Variants in C2CD5 observed in about 807,000 individuals in gnomAD.
C2CD5 encodes the protein C2 domain-containing protein 5.
Under a neutral mutation model 130.3 loss-of-function variants are expected in C2CD5, and 109 were observed. That is an observed-to-expected ratio of 0.84 (90% confidence interval 0.72 to 0.98). The LOEUF (loss-of-function observed/expected upper bound fraction) is 0.98. Ranked by LOEUF, C2CD5 falls within the 50% of genes least tolerant of loss-of-function variation. The pLI is 0.00. For synonymous variants in C2CD5, 454 were observed against 429.2 expected (o/e 1.06, Z -0.71); for missense variants, 996 against 1,261.8 (o/e 0.79, Z 3.19).
At chr12:22,480,537 G>A (rs1264686455) in intron 14 of C2CD5, among the ~76,000 whole-genome samples, 1 of 152,178 alleles carries the variant, frequency 6.6e-6, no homozygotes, top group Non-Finnish European at 1.5e-5. Context: ...CAATATTTGA[G>A]GCAAGTCTTG....
intron 22 of C2CD5, among the ~76,000 whole-genome samples, chr12:22,462,768 A>C (rs1396255904): frequency 6.6e-6 from 1 of 152,154 alleles, no homozygotes; most frequent in East Asian, 1.9e-4. Context: ...CTGAAATTTA[A>C]CTGCCATTGT....
chr12:22,469,973 G>C (rs1460653662), intron 21 of C2CD5, among the ~76,000 whole-genome samples, 178 bp from the exon 22 acceptor site: 1 of 152,062 alleles, frequency 6.6e-6, no homozygotes, highest in Non-Finnish European at 1.5e-5. Flanking sequence ...ATGATGCTGA[G>C]ACTGGTGCTA....
chr12:22,528,111 A>T (rs556984479), intron 3 of C2CD5, among the ~76,000 whole-genome samples: 1 of 152,332 alleles, frequency 6.6e-6, no homozygotes, highest in Non-Finnish European at 1.5e-5. Context: ...ATCTCTCAGC[A>T]CAAGACTGGG....
chr12:22,505,024 T>C (rs1172648830), intron 10 of C2CD5, among the ~76,000 whole-genome samples: 1 of 152,128 alleles, frequency 6.6e-6, no homozygotes, highest in Non-Finnish European at 1.5e-5. Flanking sequence ...ATTTGCCCAG[T>C]TTTAGAGTTA....
At chr12:22,523,136 C>T (rs1950416768) in intron 7 of C2CD5, among the ~76,000 whole-genome samples, 1 of 151,972 alleles carries the variant, frequency 6.6e-6, no homozygotes, top group South Asian at 2.1e-4. Flanking sequence ...ATCACCTGAG[C>T]CTAGAAGGTC....
chr12:22,484,809 G>A lies in C2CD5; in HGVS notation c.1438C>T (p.Leu480Phe), dbSNP rs751153420. Residue 480 changes from leucine (L) to phenylalanine (F), a missense_variant, in exon 13 of 27, where the codon CTC becomes TTC. Around this residue, in one of 9 missense-constraint regions of C2CD5, gnomAD observed 590 missense variants for 631.4 expected, o/e 0.93. Transcript: ENST00000446597. ...TTCCTGCAGTTATAGCAATATGTGA[G>A]ATGAGCTGGAAATGGCATATTCAGT... ...DELNMPFPAH[L>F]TYCYNCRKQK... 1 of 1,609,122 alleles carries A rather than the reference G, an allele frequency of 6.2e-7. No homozygotes were observed. Among genetic ancestry groups the A allele is most frequent in the East Asian group, 2.2e-5 (1 of 44,676 alleles).
At chr12:22,535,588 C>G (rs944141683) in intron 2 of C2CD5, among the ~76,000 whole-genome samples, 4 of 152,088 alleles carry the variant, frequency 2.6e-5, no homozygotes, top group African/African-American at 9.7e-5. Context: ...GAACTAACTT[C>G]CTCCGTTTCT....
At chr12:22,534,355 C>G (rs1286200261) in intron 3 of C2CD5, among the ~76,000 whole-genome samples, 1 of 152,062 alleles carries the variant, frequency 6.6e-6, no homozygotes, top group Non-Finnish European at 1.5e-5. Context: ...TGATTTCACA[C>G]CAAAACAAAA....
At chr12:22,508,397 A>G (rs1307391914) in intron 9 of C2CD5, among the ~76,000 whole-genome samples, 2 of 152,190 alleles carry the variant, frequency 1.3e-5, no homozygotes. Flanking sequence ...ATGTATTATA[A>G]TATGTTTAGT....
rs555218526 is a variant in C2CD5, at chr12:22,476,631, T to C, written c.1902+1682A>G. 2.6e-5 allele frequency among the ~76,000 whole-genome samples: 4 copies of C among 152,190 alleles called. No homozygotes were observed. In the South Asian group the frequency reaches 8.3e-4, roughly 31 times the overall value. The stretch of plus-strand genomic sequence containing the variant: ...CCCTGTCTCCAAAGGGCTTACATTA[T>C]AGTAAAGGAAGACAGATATATAAAA... On this transcript the variant is annotated intron_variant, in intron 15 of 26. Transcript: ENST00000446597.
rs764028659 is a variant in C2CD5 at position 22,478,322 on chromosome 12, G to T, written c.1893C>A (p.Ile631=). The T allele has an allele frequency of 2.5e-6, 4 of 1,610,130 alleles. No homozygotes were observed. The highest frequency in any genetic ancestry group is 3.4e-6 in the Non-Finnish European group (4 of 1,176,642). The change falls in exon 15 of 27, where the codon ATC becomes ATA. Residue 631 remains isoleucine (I), a synonymous_variant. Coordinates refer to ENST00000446597, the MANE Select transcript of C2CD5 (RefSeq NM_001286176.2). The part of the protein sequence containing the change: ...TIAKNKELYE[I]NPPEISEEII... The stretch of plus-strand genomic sequence containing the variant: ...GGTTTGTTTTACTTACTGGAGGATT[G>T]ATTTCATATAACTCTTTGTTTTTAG...
At chr12:22,536,089 G>A (rs1951790794) in intron 2 of C2CD5, among the ~76,000 whole-genome samples, 1 of 151,512 alleles carries the variant, frequency 6.6e-6, no homozygotes, top group African/African-American at 2.4e-5. Flanking sequence ...GCACTGGTAA[G>A]GAACAACTTC....
At chr12:22,531,832 C>G (rs7311953) in intron 3 of C2CD5, among the ~76,000 whole-genome samples, 5 of 152,184 alleles carry the variant, frequency 3.3e-5, no homozygotes, top group African/African-American at 1.2e-4. Context: ...AGTCTACAGA[C>G]GAGGTACACC....
intron 22 of C2CD5, among the ~76,000 whole-genome samples, chr12:22,465,454 A>G (rs989487191): frequency 6.6e-6 from 1 of 152,294 alleles, no homozygotes; most frequent in Admixed American, 6.5e-5. Context: ...TGTCTAATAT[A>G]AGTTCTTAAG....
rs768809317 is a variant in C2CD5 at position 22,544,041 on chromosome 12, G to A, written c.90+20C>T. The A allele has an allele frequency of 7.6e-6, 12 of 1,584,454 alleles. No individual in the cohort carries two copies. Among genetic ancestry groups the A allele is most frequent in the South Asian group, 1.1e-5 (1 of 90,200 alleles). On this transcript the variant is annotated intron_variant, in intron 2 of 26. Coordinates refer to ENST00000446597, the MANE Select transcript of C2CD5 (RefSeq NM_001286176.2). ...GGCTTGGCGCTCCCTGTGTTTTGAG[G>A]GGCAGGACCCTGCACCAACCTCCAC...
At position 22,544,020 on chromosome 12, in the gene C2CD5, T is replaced by C. The variant is rs1395211936; in HGVS notation, c.90+41A>G. 2.1e-6 allele frequency: 3 copies of C among 1,461,204 alleles called. No individual in the cohort carries two copies. In the African/African-American group the frequency reaches 4.2e-5, roughly 20 times the overall value. 90.5% of individuals were successfully genotyped at this position (1,461,204 alleles called of 1,614,324 possible). On this transcript the variant is annotated intron_variant, in intron 2 of 26. Coordinates refer to ENST00000446597, the MANE Select transcript of C2CD5 (RefSeq NM_001286176.2). ...AGGTGGGTAGATCCTTCACAGGGCT[T>C]GGCGCTCCCTGTGTTTTGAGGGGCA...
chr12:22,528,773 G>A (rs1950952037), intron 3 of C2CD5, among the ~76,000 whole-genome samples: 1 of 152,066 alleles, frequency 6.6e-6, no homozygotes, highest in Non-Finnish European at 1.5e-5. Flanking sequence ...CATATGCTTT[G>A]GTCAAGTGAT....
chr12:22,471,637 C>A, intron 19 of C2CD5, 149 bp from the exon 20 acceptor site: 2 of 489,084 alleles, frequency 4.1e-6, no homozygotes, highest in South Asian at 4.4e-5. Flanking sequence ...TTTACACTAA[C>A]GATATACTTT....
chr12:22,477,479 A>G (rs554381487), intron 15 of C2CD5: 1 of 152,310 alleles, frequency 6.6e-6, no homozygotes, highest in East Asian at 1.9e-4. Flanking sequence ...AAGACGTTTA[A>G]AATAATAAAA....
Sources: gnomAD v4.1 joint callset for allele counts (sites outside exome capture counted in the v4.1 genomes callset) on GRCh38, gnomAD v4.1.1 for gene constraint, gnomAD v4.1.1 regional missense constraint, MANE v1.5 for transcripts, NCBI Gene and HGNC (gene_info 2026-07-23, HGNC 2026-07-21) for gene names.